Variants in PWWP2B observed in about 807,000 individuals in gnomAD.
PWWP2B encodes PWWP domain-containing protein 2B.
Under a neutral mutation model 15.5 loss-of-function variants are expected in PWWP2B, and 9 were observed. That is an observed-to-expected ratio of 0.58 (90% CI 0.35 to 1.02). PWWP2B has a LOEUF of 1.02. Ranked by LOEUF, PWWP2B falls within the 50% of genes least tolerant of loss-of-function variation. The pLI is 0.02. For missense variants in PWWP2B, 864 were observed against 865.3 expected, an observed-to-expected ratio of 1.00 and a Z score of 0.02; for synonymous variants, 474 against 403.6, an observed-to-expected ratio of 1.17 and a Z score of -2.09.
chr10:132,404,799 A>T lies in PWWP2B; in HGVS notation c.299A>T (p.Glu100Val). 1 of 1,046,822 alleles carries T rather than the reference A, an allele frequency of 9.6e-7. No homozygotes were observed. The highest frequency in any genetic ancestry group is 1.3e-6 in the Non-Finnish European group (1 of 753,816). 64.8% of individuals were successfully genotyped at this position (1,046,822 alleles called of 1,614,324 possible). The change falls in exon 2 of 3, where the codon GAG (glutamate) becomes GTG (valine). Residue 100 changes from glutamate to valine, a missense_variant. This residue lies in a region of PWWP2B where 736 missense variants were observed against 687.7 expected (regional missense o/e 1.07). Transcript: ENST00000305233. ...GVQPPETTRP[E>V]PPPPLVPPLP... ...CAGCCCCCCGAGACCACCCGCCCCG[A>T]GCCACCCCCGCCCCTCGTGCCGCCG... is the stretch of plus-strand genomic sequence containing the variant.
At chr10:132,404,170 C>T (rs2069650694) in intron 1 of PWWP2B, among the ~76,000 whole-genome samples, 1 of 152,148 alleles carries the variant, frequency 6.6e-6, no homozygotes, top group Admixed American at 6.5e-5. Flanking sequence ...TCCCTGAGTC[C>T]CCCAGCCCCT....
intron 1 of PWWP2B, among the ~76,000 whole-genome samples, chr10:132,402,333 C>T (rs1233995281): frequency 1.3e-5 from 2 of 152,392 alleles, no homozygotes; most frequent in South Asian, 2.1e-4. Context: ...TCGTAGCCAC[C>T]GTCCTCTGGC....
chr10:132,407,119 C>G (rs112093390), intron 2 of PWWP2B, among the ~76,000 whole-genome samples: 1,528 of 152,258 alleles, frequency 0.01, 28 homozygotes, highest in African/African-American at 0.035. Flanking sequence ...GTAATCACCA[C>G]GTGGGGCATC....
At chr10:132,415,568 T>C (rs1320131960) in intron 2 of PWWP2B, among the ~76,000 whole-genome samples, 7 of 130,266 alleles carry the variant, frequency 5.4e-5, no homozygotes, top group Non-Finnish European at 8.1e-5. Flanking sequence ...CAAACACACA[T>C]ACACACACAT....
At position 132,405,952 on chromosome 10, in the gene PWWP2B, C is replaced by T. The variant is rs201677128; in HGVS notation, c.1452C>T (p.Asp484=). The T allele has an allele frequency of 1.5e-5, 25 of 1,613,414 alleles. No individual in the cohort carries two copies. The highest frequency in any genetic ancestry group is 9.3e-5 in the African/African-American group (7 of 75,072). ...TQSVSECITE[D]GRTVAVGDIV... is the part of the protein sequence containing the mutation. ...GCGTGTCGGAGTGCATCACGGAGGA[C>T]GGCAGGACTGTGGCCGTGGGGGACA... The change falls in exon 2 of 3, where the codon GAC becomes GAT. Residue 484 remains aspartate, a synonymous_variant. Transcript: ENST00000305233.
rs548835632 is a variant in PWWP2B at position 132,405,884 on chromosome 10, C to T, written c.1384C>T (p.Arg462Cys). ...ASAPSVSREA[R>C]QTVPPLTVRL... Reference sequence around the variant, plus strand: ...AGCGCCCTCGGTGTCCAGAGAGGCTCGCCAAACGGTGCCGCCCCTGACGGT... The same window carrying T: ...AGCGCCCTCGGTGTCCAGAGAGGCTTGCCAAACGGTGCCGCCCCTGACGGT... Residue 462 changes from arginine (R) to cysteine (C), a missense_variant, in exon 2 of 3, where the codon CGC (arginine) becomes TGC (cysteine). Arg to Cys is a radical substitution (Grantham distance 180, BLOSUM62 -3). This residue lies in a region of PWWP2B where 736 missense variants were observed against 687.7 expected (regional missense o/e 1.07). Coordinates refer to ENST00000305233, the MANE Select transcript of PWWP2B (RefSeq NM_138499.4). 3.8e-5 allele frequency: 61 copies of T among 1,611,452 alleles called. No individual in the cohort carries two copies. In the Admixed American group the frequency reaches 8.3e-4, roughly 22 times the overall value.
intron 2 of PWWP2B, among the ~76,000 whole-genome samples, chr10:132,416,170 G>A (rs898842094): frequency 6.6e-6 from 1 of 152,160 alleles, no homozygotes; most frequent in Non-Finnish European, 1.5e-5. Flanking sequence ...TTCTCGGCGG[G>A]GCTGCGACAG....
chr10:132,405,435 C>T lies in PWWP2B; in HGVS notation c.935C>T (p.Ser312Phe), dbSNP rs2069681385. 1 of 1,609,908 alleles carries T rather than the reference C, an allele frequency of 6.2e-7. No homozygotes were observed. The change falls in exon 2 of 3, where the codon TCC (serine) becomes TTC (phenylalanine). Residue 312 changes from serine to phenylalanine, a missense_variant. Physicochemically the swap from Ser to Phe is radical, Grantham distance 155 (BLOSUM62 -2). Transcript: ENST00000305233. ...CGGCCGTCCTGCGCGCCCTCGGCCT[C>T]CATCCCCAAGTTGAAACTGACACGG... is the stretch of plus-strand genomic sequence containing the variant. ...RDRPSCAPSA[S>F]IPKLKLTRPV...
Position 132,405,545 on chromosome 10 carries a change from T to TA in PWWP2B, c.1046dup (p.Tyr349Ter). ...GGGGGACAGCGAGCACGAGCCCGTG[T>TA]ACCGGGCCGAGCTGGTGGGGGAGCT... ...RLGDSEHEPV[Y>*]RAELVGELNG... Residue 349 changes from tyrosine to a stop codon, truncating the protein, a stop_gained and frameshift_variant, in exon 2 of 3, where the codon TAC becomes TAAC. Transcript: ENST00000305233. LOFTEE classifies it low-confidence loss of function (END_TRUNC). 3.7e-6 allele frequency: 6 copies of TA among 1,604,796 alleles called. No homozygotes were observed. Among genetic ancestry groups the TA allele is most frequent in the Non-Finnish European group, 5.1e-6 (6 of 1,178,928 alleles).
chr10:132,403,945 G>T (rs149225777), intron 1 of PWWP2B, among the ~76,000 whole-genome samples: 1 of 151,428 alleles, frequency 6.6e-6, no homozygotes, highest in Non-Finnish European at 1.5e-5. Flanking sequence ...CGGGCCACGC[G>T]CAGCCCCACC....
Position 132,405,243 on chromosome 10 carries a change from C to T in PWWP2B, c.743C>T (p.Pro248Leu), listed in dbSNP as rs759765274. The stretch of plus-strand genomic sequence containing the variant: ...GACAGGGCCCCGGCAGAGCAGGTCC[C>T]GCGGAGCCCGGTCATCAAGATCTCC... ...EEDRAPAEQV[P>L]RSPVIKISYS... The change falls in exon 2 of 3, where the codon CCG becomes CTG. Residue 248 changes from proline (P) to leucine (L), a missense_variant. Pro to Leu is a moderately conservative substitution (Grantham distance 98). Transcript: ENST00000305233. 4 of 1,607,880 alleles carry T rather than the reference C, an allele frequency of 2.5e-6. No homozygotes were observed. In the South Asian group the frequency reaches 3.3e-5, roughly 13 times the overall value.
chr10:132,416,133 G>A (rs2069851993), intron 2 of PWWP2B, among the ~76,000 whole-genome samples: 2 of 152,170 alleles, frequency 1.3e-5, no homozygotes, highest in Non-Finnish European at 2.9e-5. Context: ...CCGCGGGGCC[G>A]GGACAGGGGC....
rs112639073 is a variant in PWWP2B, at chr10:132,405,076, C to T, written c.576C>T (p.Pro192=). The change falls in exon 2 of 3, where the codon CCC becomes CCT. Residue 192 remains proline (P), a synonymous_variant. Coordinates refer to ENST00000305233, the MANE Select transcript of PWWP2B (RefSeq NM_138499.4). ...CGCTGAGCCCCCCGGAGGCCAGCCCCGGACCCCCAGCCGCGCCCAGGGCCC... is the reference window on the plus strand; with the variant it reads ...CGCTGAGCCCCCCGGAGGCCAGCCCTGGACCCCCAGCCGCGCCCAGGGCCC... ...KSTLSPPEAS[P]GPPAAPRARR... The T allele has an allele frequency of 5.2e-3, 7,995 of 1,527,192 alleles. 30 individuals carry two copies. Among genetic ancestry groups the T allele is most frequent in the Non-Finnish European group, 6.6e-3 (7,466 of 1,139,162 alleles). 94.6% of individuals were successfully genotyped at this position (1,527,192 alleles called of 1,614,324 possible).
intron 1 of PWWP2B, among the ~76,000 whole-genome samples, chr10:132,398,472 G>A (rs2069567510): frequency 6.6e-6 from 1 of 152,236 alleles, no homozygotes; most frequent in African/African-American, 2.4e-5. Context: ...CCTCTGGCGG[G>A]CAGGGTTGGG....
chr10:132,405,644 T>A lies in PWWP2B; in HGVS notation c.1144T>A (p.Ser382Thr), dbSNP rs746403428. The change falls in exon 2 of 3, where the codon TCT (serine) becomes ACT (threonine). Residue 382 changes from serine (S) to threonine (T), a missense_variant. This residue lies in a region of PWWP2B where 736 missense variants were observed against 687.7 expected (regional missense o/e 1.07). Coordinates refer to ENST00000305233, the MANE Select transcript of PWWP2B (RefSeq NM_138499.4). ...GPAGGLADLS[S>T]GSSGEDDDFK... ...TGCCGGTGGGCTGGCGGACTTGTCT[T>A]CTGGAAGTTCGGGTGAGGACGATGA... 1 of 1,612,434 alleles carries A rather than the reference T, an allele frequency of 6.2e-7. No homozygotes were observed. Among genetic ancestry groups the A allele is most frequent in the Non-Finnish European group, 8.5e-7 (1 of 1,179,870 alleles).
At position 132,417,169 on chromosome 10, in the gene PWWP2B, C is replaced by G. The variant is rs1056439545; in HGVS notation, c.*125C>G. The G allele has an allele frequency of 2.0e-6, 3 of 1,487,142 alleles. No homozygotes were observed. Among genetic ancestry groups the G allele is most frequent in the African/African-American group, 2.8e-5 (2 of 72,394 alleles). The allele number at this position is 1,487,142 out of a possible 1,614,324, so 92.1% of individuals were successfully genotyped here. On this transcript the variant is annotated 3_prime_UTR_variant, in exon 3 of 3. Coordinates refer to ENST00000305233, the MANE Select transcript of PWWP2B (RefSeq NM_138499.4). ...TGCAGAGCCCACTGGGCACGGTGGT[C>G]GGCCTGGTGTGAGGCCCCCCGGGGA...
chr10:132,402,217 G>T (rs2069623930), intron 1 of PWWP2B, among the ~76,000 whole-genome samples: 1 of 152,258 alleles, frequency 6.6e-6, no homozygotes, highest in Non-Finnish European at 1.5e-5. Flanking sequence ...GGCTCCGTTT[G>T]TGGGGCCTCC....
chr10:132,397,302 A>T lies in PWWP2B; in HGVS notation c.76A>T (p.Ser26Cys), dbSNP rs775175525. The part of the protein sequence containing the change: ...VVNGALVVTV[S>C]CGERSFAGIL... ...CAACGGCGCGCTGGTGGTCACGGTG[A>T]GCTGCGGCGAGCGGAGCTTCGCGGG... is the stretch of plus-strand genomic sequence containing the variant. The change falls in exon 1 of 3, where the codon AGC becomes TGC. Residue 26 changes from serine to cysteine, a missense_variant. Ser to Cys is a moderately radical substitution (Grantham distance 112). Around this residue, in one of 2 missense-constraint regions of PWWP2B, gnomAD observed 736 missense variants for 687.7 expected, o/e 1.07. Coordinates refer to ENST00000305233, the MANE Select transcript of PWWP2B (RefSeq NM_138499.4). 7 of 1,429,284 alleles carry T rather than the reference A, an allele frequency of 4.9e-6. No homozygotes were observed. The Admixed American group carries it at 1.6e-4, about 32-fold the overall frequency. The allele number at this position is 1,429,284 out of a possible 1,614,324, so 88.5% of individuals were successfully genotyped here.
chr10:132,402,924 G>A (rs565507698), intron 1 of PWWP2B, among the ~76,000 whole-genome samples: 20 of 152,216 alleles, frequency 1.3e-4, no homozygotes, highest in Non-Finnish European at 2.4e-4. Flanking sequence ...GCTGGCCCCC[G>A]GGGTGCATGG....
Sources: allele counts gnomAD v4.1 joint callset (sites outside exome capture counted in the v4.1 genomes callset), GRCh38; gene constraint gnomAD v4.1.1; regional missense constraint gnomAD v4.1.1; transcripts MANE v1.5; gene names NCBI Gene and HGNC (gene_info 2026-07-23, HGNC 2026-07-21).